AK5: variants seen among roughly 807,000 people sequenced by gnomAD.
AK5 encodes the protein adenylate kinase isoenzyme 5.
AK5 carries 27 observed loss-of-function variants against 69.5 expected under a neutral mutation model. The observed-to-expected ratio is 0.39, with a 90% CI of 0.29 to 0.54. The LOEUF (loss-of-function observed/expected upper bound fraction) is 0.54. Ranked by LOEUF, AK5 falls within the 20% of genes least tolerant of loss-of-function variation. The pLI is 0.71. For synonymous variants in AK5, 260 were observed against 244.4 expected (o/e 1.06, Z -0.60); for missense variants, 531 against 700.4 (o/e 0.76, Z 2.73).
intron 7 of AK5, among the ~76,000 whole-genome samples, chr1:77,416,366 A>G (rs1650427240): frequency 6.6e-6 from 1 of 152,224 alleles, no homozygotes; most frequent in African/African-American, 2.4e-5. Flanking sequence ...CATGACTAGC[A>G]TCACCCAGGG....
At chr1:77,513,615 G>A (rs903538283) in intron 10 of AK5, among the ~76,000 whole-genome samples, 4 of 152,192 alleles carry the variant, frequency 2.6e-5, no homozygotes, top group African/African-American at 7.2e-5. Context: ...CGAGGTGGGC[G>A]GATCACTTGA....
intron 8 of AK5, among the ~76,000 whole-genome samples, chr1:77,472,525 T>C (rs1045536229): frequency 2.0e-5 from 3 of 151,700 alleles, no homozygotes; most frequent in African/African-American, 4.8e-5. Context: ...AGGATGGAAA[T>C]GCAAGGATCT....
At chr1:77,311,050 T>C (rs1659926085) in intron 5 of AK5, among the ~76,000 whole-genome samples, 1 of 152,148 alleles carries the variant, frequency 6.6e-6, no homozygotes, top group African/African-American at 2.4e-5. Flanking sequence ...TTTGTGTTTG[T>C]GGGTATGTCT....
chr1:77,326,573 A>G (rs1193599926), intron 5 of AK5, among the ~76,000 whole-genome samples: 1 of 152,150 alleles, frequency 6.6e-6, no homozygotes, highest in African/African-American at 2.4e-5. Flanking sequence ...GTGCTATCAC[A>G]TAATTTCTCA....
At chr1:77,531,039 T>C (rs1658543116) in intron 12 of AK5, among the ~76,000 whole-genome samples, 1 of 152,156 alleles carries the variant, frequency 6.6e-6, no homozygotes, top group Admixed American at 6.5e-5. Flanking sequence ...TGGTGGGTTC[T>C]TGGTCTCACT....
chr1:77,493,330 C>A (rs1042398583), intron 10 of AK5, among the ~76,000 whole-genome samples: 6 of 150,504 alleles, frequency 4.0e-5, no homozygotes, highest in South Asian at 4.2e-4. Context: ...CACCAGCAGC[C>A]CCCCCCAGGT....
intron 6 of AK5, chr1:77,349,374 T>G (rs918905387): frequency 6.6e-6 from 1 of 152,208 alleles, no homozygotes; most frequent in African/African-American, 2.4e-5. Context: ...GCAGATACTA[T>G]TATTATCTCC....
intron 13 of AK5, among the ~76,000 whole-genome samples, chr1:77,541,273 A>C (rs888655280): frequency 1.1e-4 from 17 of 152,184 alleles, no homozygotes; most frequent in Non-Finnish European, 2.4e-4. Context: ...AAAATACAAA[A>C]GTTAGCCAGG....
intron 6 of AK5, among the ~76,000 whole-genome samples, chr1:77,407,909 CACTT>C (rs1649766088): frequency 6.6e-6 from 1 of 152,092 alleles, no homozygotes; most frequent in Non-Finnish European, 1.5e-5. Context: ...TTTGCTAATT[CACTT>C]AGCATAATGG....
chr1:77,364,195 A>G (rs1646912633), intron 6 of AK5, among the ~76,000 whole-genome samples: 1 of 152,210 alleles, frequency 6.6e-6, no homozygotes, highest in African/African-American at 2.4e-5. Flanking sequence ...ATAGAAATGT[A>G]TGGAATTAAA....
chr1:77,349,902 A>G (rs1052946680), intron 6 of AK5, among the ~76,000 whole-genome samples: 9 of 152,158 alleles, frequency 5.9e-5, no homozygotes, highest in African/African-American at 1.9e-4. Context: ...CTTACGTTCC[A>G]TTTCCCCATT....
At chr1:77,457,409 CCTT>C (rs1374726143) in intron 8 of AK5, among the ~76,000 whole-genome samples, 1 of 152,124 alleles carries the variant, frequency 6.6e-6, no homozygotes, top group Non-Finnish European at 1.5e-5. Flanking sequence ...TTGATTCTCT[CCTT>C]CTCTACCTAA....
intron 8 of AK5, among the ~76,000 whole-genome samples, chr1:77,442,331 C>A: frequency 6.6e-6 from 1 of 152,148 alleles, no homozygotes; most frequent in Non-Finnish European, 1.5e-5. Context: ...CATGTGGGCA[C>A]AGAGGGTGGG....
intron 13 of AK5, among the ~76,000 whole-genome samples, chr1:77,536,315 A>T (rs558061307): frequency 6.6e-6 from 1 of 152,254 alleles, no homozygotes; most frequent in South Asian, 2.1e-4. Flanking sequence ...TTAGCTGGGT[A>T]TGGTGGCACA....
intron 13 of AK5, 94 bp from the exon 14 acceptor site, chr1:77,558,508 G>T: frequency 3.9e-6 from 3 of 772,176 alleles, no homozygotes; most frequent in Non-Finnish European, 6.4e-6. Context: ...AAATTTTGCA[G>T]AGCAAATTAT....
At chr1:77,382,933 T>C (rs1296793436) in intron 6 of AK5, among the ~76,000 whole-genome samples, 2 of 152,194 alleles carry the variant, frequency 1.3e-5, no homozygotes, top group Non-Finnish European at 2.9e-5. Context: ...TAAAGCTTGT[T>C]CAGACAACCC....
chr1:77,476,689 C>T (rs548097260), intron 8 of AK5, among the ~76,000 whole-genome samples: 1 of 152,196 alleles, frequency 6.6e-6, no homozygotes, highest in Admixed American at 6.5e-5. Flanking sequence ...ATTGGGAAGC[C>T]CGACCCACCA....
At chr1:77,351,734 A>T (rs1202920980) in intron 6 of AK5, among the ~76,000 whole-genome samples, 1 of 152,108 alleles carries the variant, frequency 6.6e-6, no homozygotes, top group African/African-American at 2.4e-5. Flanking sequence ...TCAGAAGTGG[A>T]GCATGTGTTT....
chr1:77,349,829 C>T (rs187599748), intron 6 of AK5, among the ~76,000 whole-genome samples: 62 of 152,248 alleles, frequency 4.1e-4, no homozygotes, highest in South Asian at 4.2e-4. Context: ...TCCTACAAAT[C>T]GAACGTAAAA....
Sources: gnomAD v4.1 joint callset for allele counts (sites outside exome capture counted in the v4.1 genomes callset) on GRCh38, gnomAD v4.1.1 for gene constraint, MANE v1.5 for transcripts, NCBI Gene and HGNC (gene_info 2026-07-23, HGNC 2026-07-21) for gene names.